The following ZNF860 variants were observed in gnomAD, a reference collection of about 807,000 sequenced individuals.
ZNF860 encodes zinc finger protein 860.
For synonymous variants in ZNF860, 206 were observed against 248.9 expected (o/e 0.83, Z 1.62); for missense variants, 641 against 759.2 (o/e 0.84, Z 1.83).
In ZNF860 at chr3:31,985,569, C is replaced by T. The variant is rs191667060; in HGVS notation, c.-420-3091C>T. On this transcript the variant is annotated intron_variant, in intron 1 of 1. Transcript: ENST00000360311. ...CTAGTAGTTGTTTCTGAGGCTCCCT[C>T]CTCTAGTTAGAAAGCCTTAGGAGGA... is the stretch of plus-strand genomic sequence containing the variant. 2.0e-3 allele frequency among the ~76,000 whole-genome samples: 300 copies of T among 152,264 alleles called. 1 individual carries two copies. The highest frequency in any genetic ancestry group is 3.5e-3 in the Non-Finnish European group (235 of 68,016).
At chr3:31,995,605 A>G (rs982245073), downstream of ZNF860, among the ~76,000 whole-genome samples, 4 of 152,224 alleles carry the variant, frequency 2.6e-5, no homozygotes, top group African/African-American at 9.6e-5. Flanking sequence ...AGTTAACGCA[A>G]TCATCACAGT....
At chr3:31,999,310 A>G in the ZNF860 span, among the ~76,000 whole-genome samples, 1 of 151,558 alleles carries the variant, frequency 6.6e-6, no homozygotes, top group Non-Finnish European at 1.5e-5. Context: ...TTTTCAATGA[A>G]TGTGATTATT....
At chr3:31,983,255 C>G (rs1262413994) in intron 1 of ZNF860, among the ~76,000 whole-genome samples, 1 of 152,210 alleles carries the variant, frequency 6.6e-6, no homozygotes, top group African/African-American at 2.4e-5. Context: ...TAGGTGCATA[C>G]TGGACTATAA....
At position 31,989,548 on chromosome 3, in the gene ZNF860, T is replaced by C. The variant is rs753943367; in HGVS notation, c.469T>C (p.Leu157=). 10 of 1,614,106 alleles carry C rather than the reference T, an allele frequency of 6.2e-6. No individual in the cohort carries two copies. Among genetic ancestry groups the C allele is most frequent in the African/African-American group, 2.7e-5 (2 of 74,936 alleles). Residue 157 remains leucine (L), a synonymous_variant, in exon 2 of 2, where the codon TTA becomes CTA. Transcript: ENST00000360311. ...CAAGCCTATCAAAGATCAGCTTGGA[T>C]TAAGCTTTCATTCGCATCTTCCTGA... ...GNKPIKDQLG[L]SFHSHLPELH...
rs1698981679 is a variant in ZNF860, at chr3:31,988,892, G to T, written c.-188G>T. Reference sequence around the variant, plus strand: ...TGACTACAACCCAGAGAGACACTGAGCCAGGAACACCCAGCTGAAGTGCCT... The same window carrying T: ...TGACTACAACCCAGAGAGACACTGATCCAGGAACACCCAGCTGAAGTGCCT... On this transcript the variant is annotated 5_prime_UTR_variant, in exon 2 of 2. Coordinates refer to ENST00000360311, the MANE Select transcript of ZNF860 (RefSeq NM_001137674.3). The T allele has an allele frequency of 4.3e-5, 30 of 693,726 alleles. No individual in the cohort carries two copies. The South Asian group carries it at 5.7e-4, about 13-fold the overall frequency. The allele number at this position is 693,726 out of a possible 1,614,324, so 43.0% of individuals were successfully genotyped here.
chr3:31,991,179 C>T lies in ZNF860; in HGVS notation c.*201C>T. The T allele has an allele frequency of 1.6e-6, 1 of 611,830 alleles. No homozygotes were observed. Among genetic ancestry groups the T allele is most frequent in the African/African-American group, 1.9e-5 (1 of 53,738 alleles). 37.9% of individuals were successfully genotyped at this position (611,830 alleles called of 1,614,324 possible). A position where few individuals can be genotyped will look rare whatever the true frequency, so the allele number is the denominator to read the frequency against. On this transcript the variant is annotated 3_prime_UTR_variant, in exon 2 of 2. Coordinates refer to ENST00000360311, the MANE Select transcript of ZNF860 (RefSeq NM_001137674.3). ...AAGAGGATTGGGCTGGGCAGGGTGG[C>T]TTATACCTGTAATCCCAGCACTGTG...
chr3:31,986,680 A>T (rs917598788), intron 1 of ZNF860, among the ~76,000 whole-genome samples: 1 of 152,170 alleles, frequency 6.6e-6, no homozygotes, highest in African/African-American at 2.4e-5. Context: ...TATTAAATAG[A>T]TGCTCACTTT....
Position 31,989,724 on chromosome 3 carries a change from A to G in ZNF860, c.645A>G (p.Ser215=). 6.2e-7 allele frequency: 1 copy of G among 1,614,102 alleles called. No homozygotes were observed. The highest frequency in any genetic ancestry group is 1.3e-5 in the African/African-American group (1 of 75,046). The change falls in exon 2 of 2, where the codon TCA becomes TCG. Residue 215 remains serine, a synonymous_variant. Transcript: ENST00000360311. ...ATGAAAATAATTTCTTCCATTCATC[A>G]TTACTCACACTAAAACAGGAAGTAC... ...NNYENNFFHS[S]LLTLKQEVHI...
rs781139425 is a variant in ZNF860 at position 31,989,494 on chromosome 3, G to A, written c.415G>A (p.Asp139Asn). ...AATCAAAAAGTTGACTGGTAGCACC[G>A]ACAGATATGATCGAAGGCATCCTGG... is the stretch of plus-strand genomic sequence containing the variant. ...TQIKKLTGSTDRYDRRHPGNK... is the reference protein window; with the variant it reads ...TQIKKLTGSTNRYDRRHPGNK... The change falls in exon 2 of 2, where the codon GAC becomes AAC. Residue 139 changes from aspartate (D) to asparagine (N), a missense_variant. Asp to Asn is a conservative substitution (Grantham distance 23). Coordinates refer to ENST00000360311, the MANE Select transcript of ZNF860 (RefSeq NM_001137674.3). 90 of 1,614,056 alleles carry A rather than the reference G, an allele frequency of 5.6e-5. No individual in the cohort carries two copies. Among genetic ancestry groups the A allele is most frequent in the African/African-American group, 1.1e-4 (8 of 74,916 alleles).
chr3:31,997,820 C>T, the ZNF860 span, among the ~76,000 whole-genome samples: 3 of 152,068 alleles, frequency 2.0e-5, no homozygotes, highest in South Asian at 4.1e-4. Context: ...CTTACTCTGT[C>T]GCCCAGGCAG....
At chr3:31,987,499 T>C (rs1698950141) in intron 1 of ZNF860, among the ~76,000 whole-genome samples, 1 of 152,254 alleles carries the variant, frequency 6.6e-6, no homozygotes, top group South Asian at 2.1e-4. Flanking sequence ...GTGGCTCATG[T>C]ACTACAGAAT....
In ZNF860 at chr3:31,989,824, C is replaced by T; in HGVS notation, c.745C>T (p.Gln249Ter). The change falls in exon 2 of 2, where the codon CAG (glutamine) becomes TAG (stop). Residue 249 changes from glutamine to a stop codon, truncating the protein, a stop_gained. Transcript: ENST00000360311. LOFTEE classifies it low-confidence loss of function (END_TRUNC). Reference sequence around the variant, plus strand: ...TTGTAGCTCACTCTTAAGGAAACATCAGATAATCTATTTAGGAGGGAAACA... The same window carrying T: ...TTGTAGCTCACTCTTAAGGAAACATTAGATAATCTATTTAGGAGGGAAACA... ...FNCSSLLRKHQIIYLGGKQYK... is the reference protein window; with the variant it reads ...FNCSSLLRKH 1 of 1,614,122 alleles carries T rather than the reference C, an allele frequency of 6.2e-7. No individual in the cohort carries two copies. The highest frequency in any genetic ancestry group is 8.5e-7 in the Non-Finnish European group (1 of 1,180,032).
At chr3:32,005,585 T>C in the ZNF860 span, among the ~76,000 whole-genome samples, 3 of 152,172 alleles carry the variant, frequency 2.0e-5, no homozygotes, top group Non-Finnish European at 4.4e-5. Flanking sequence ...TTTTGGGTTT[T>C]TTTTGTTGTT....
At chr3:31,985,461 T>G (rs1358681353) in intron 1 of ZNF860, among the ~76,000 whole-genome samples, 1 of 152,194 alleles carries the variant, frequency 6.6e-6, no homozygotes, top group African/African-American at 2.4e-5. Context: ...CTTGAAATAA[T>G]GGACAGAATC....
Position 31,989,875 on chromosome 3 carries a change from G to A in ZNF860, c.796G>A (p.Val266Ile), listed in dbSNP as rs774575779. 4.3e-6 allele frequency: 7 copies of A among 1,614,120 alleles called. No individual in the cohort carries two copies. The highest frequency in any genetic ancestry group is 5.9e-6 in the Non-Finnish European group (7 of 1,180,016). Residue 266 changes from valine (V) to isoleucine (I), a missense_variant, in exon 2 of 2, where the codon GTC (valine) becomes ATC (isoleucine). Coordinates refer to ENST00000360311, the MANE Select transcript of ZNF860 (RefSeq NM_001137674.3). ...KQYKCDVCGK[V>I]FNQKRYLACH... ...ATATAAATGTGATGTATGTGGCAAG[G>A]TCTTTAATCAGAAGCGATACCTTGC...
the ZNF860 span, among the ~76,000 whole-genome samples, chr3:31,999,039 G>A: frequency 6.6e-6 from 1 of 152,204 alleles, no homozygotes; most frequent in South Asian, 2.1e-4. Context: ...TTACAAATTT[G>A]TATCAGCCAG....
Position 31,989,255 on chromosome 3 carries a change from AC to A in ZNF860, c.178del (p.Leu60CysfsTer11). 1 of 1,614,142 alleles carries A rather than the reference AC, an allele frequency of 6.2e-7. No homozygotes were observed. The highest frequency in any genetic ancestry group is 8.5e-7 in the Non-Finnish European group (1 of 1,180,034). The part of the protein sequence containing the change: ...YRAMMLENYR[N>X]LHSVDISSKC... ...GCCATGATGTTGGAGAACTACAGGA[AC>A]CTGCATTCTGTGGATATCTCTTCCA... is the stretch of plus-strand genomic sequence containing the variant. On this transcript the variant is annotated frameshift_variant, in exon 2 of 2. Coordinates refer to ENST00000360311, the MANE Select transcript of ZNF860 (RefSeq NM_001137674.3). LOFTEE classifies it low-confidence loss of function (END_TRUNC).
the ZNF860 span, among the ~76,000 whole-genome samples, chr3:32,002,502 C>T: frequency 6.6e-6 from 1 of 152,144 alleles, no homozygotes; most frequent in South Asian, 2.1e-4. Flanking sequence ...GACCCAGGAA[C>T]CTGTTTGCTG....
chr3:31,986,210 A>G (rs1380998040), intron 1 of ZNF860: 2 of 152,232 alleles, frequency 1.3e-5, no homozygotes, highest in East Asian at 1.9e-4. Flanking sequence ...CCTGAACACA[A>G]TCATACTCAA....
Sources: allele counts gnomAD v4.1 joint callset (sites outside exome capture counted in the v4.1 genomes callset), GRCh38; gene constraint gnomAD v4.1.1; transcripts MANE v1.5; gene names NCBI Gene and HGNC (gene_info 2026-07-23, HGNC 2026-07-21).